PCDHGB4: variants seen among roughly 807,000 people sequenced by gnomAD.
The protein encoded by PCDHGB4 is protocadherin gamma subfamily B, 4, also known as protocadherin gamma-B4.
Under a neutral mutation model 60.5 loss-of-function variants are expected in PCDHGB4, and 38 were observed. That is an observed-to-expected ratio of 0.63 (90% CI 0.48 to 0.82). The LOEUF is 0.82. Among genes scored for constraint, PCDHGB4 ranks in the 40% least tolerant of loss-of-function variants. The probability of loss-of-function intolerance (pLI) is 0.00; values close to 1 mark genes in which losing one functional copy is unlikely to be tolerated. For missense variants in PCDHGB4, 1,109 were observed against 1,209.6 expected, an observed-to-expected ratio of 0.92 and a Z score of 1.23; for synonymous variants, 456 against 509.7, an observed-to-expected ratio of 0.89 and a Z score of 1.42.
In PCDHGB4 at chr5:141,432,012, A is replaced by G. The variant is rs756906117; in HGVS notation, c.2397+41731A>G. ...TTGGATAGGGAACAGGTTCCTAGCT[A>G]CAACATCACAGTGACCGCCACTGAC... On this transcript the variant is annotated intron_variant, in intron 1 of 3. Transcript: ENST00000519479. The surrounding 1 kb of genome is among the most constrained non-coding windows in gnomAD (Gnocchi z 6.0). The G allele has an allele frequency of 1.1e-5, 18 of 1,614,056 alleles. No homozygotes were observed. The highest frequency in any genetic ancestry group is 1.3e-5 in the Non-Finnish European group (15 of 1,180,008).
At chr5:141,408,885 T>G in intron 1 of PCDHGB4, 1 of 1,613,020 alleles carries the variant, frequency 6.2e-7, no homozygotes, top group Middle Eastern at 1.6e-4. Context: ...ACCGCTCACA[T>G]AGAAATTTCT....
At chr5:141,475,760 C>T (rs1480762060) in intron 1 of PCDHGB4, among the ~76,000 whole-genome samples, 1 of 152,286 alleles carries the variant, frequency 6.6e-6, no homozygotes, top group Non-Finnish European at 1.5e-5. Flanking sequence ...TGCACCGATA[C>T]TGGCAAGGCG....
intron 1 of PCDHGB4, among the ~76,000 whole-genome samples, chr5:141,465,422 G>A (rs74711061): frequency 0.01 from 1,576 of 152,260 alleles, 21 homozygotes; most frequent in African/African-American, 0.037. Context: ...AGCACTGAAA[G>A]GTGGGCACTT....
chr5:141,393,988 T>C (rs765412193), intron 1 of PCDHGB4: 1 of 1,613,578 alleles, frequency 6.2e-7, no homozygotes, highest in Non-Finnish European at 8.5e-7. Context: ...AATTTACCTT[T>C]TAAATTAGAA....
chr5:141,390,354 A>C (rs1031121162), intron 1 of PCDHGB4, 73 bp downstream of exon 1: 21 of 1,553,066 alleles, frequency 1.4e-5, no homozygotes, highest in Non-Finnish European at 1.6e-5. Context: ...AAATATACAT[A>C]TTTGCAGGAA....
chr5:141,427,658 C>A, intron 1 of PCDHGB4: 2 of 738,894 alleles, frequency 2.7e-6, no homozygotes, highest in Non-Finnish European at 4.8e-6. Context: ...ACGTGGTCCA[C>A]GTGGCCGAAA....
intron 3 of PCDHGB4, among the ~76,000 whole-genome samples, chr5:141,510,468 A>G (rs1246106107): frequency 2.0e-5 from 3 of 152,152 alleles, no homozygotes; most frequent in Admixed American, 2.0e-4. Flanking sequence ...TGTGGGAGTC[A>G]GAGGCTCCCT....
intron 1 of PCDHGB4, among the ~76,000 whole-genome samples, chr5:141,471,999 T>C (rs577046645): frequency 3.9e-5 from 6 of 152,230 alleles, no homozygotes; most frequent in Admixed American, 2.0e-4. Flanking sequence ...AATCCCTGCA[T>C]CGTATAGGGG....
intron 1 of PCDHGB4, chr5:141,410,998 T>C: frequency 5.8e-6 from 1 of 173,396 alleles, no homozygotes; most frequent in South Asian, 1.4e-4. Context: ...GGATTACTGG[T>C]GCCCCTCACC....
intron 1 of PCDHGB4, chr5:141,440,479 T>C (rs949675242): frequency 6.6e-6 from 1 of 152,172 alleles, no homozygotes; most frequent in African/African-American, 2.4e-5. Context: ...TTGAAAATTC[T>C]TTAAATGTTT....
Position 141,485,844 on chromosome 5 carries a change from G to T in PCDHGB4, c.2398-8963G>T. On this transcript the variant is annotated intron_variant, in intron 1 of 3. Transcript: ENST00000519479. This position sits in a 1 kb window ranked among gnomAD's most constrained non-coding sequence, Gnocchi z 5.7. ...GATGGAGGGAACCCGCCGAGATCTG[G>T]CACCGCAGAGCTCCGGGTATCCGTG... The T allele has an allele frequency of 1.9e-6, 3 of 1,613,890 alleles. 1 individual carries two copies. The South Asian group carries it at 3.3e-5, about 18-fold the overall frequency.
At chr5:141,394,549 C>T in intron 1 of PCDHGB4, 1 of 1,614,140 alleles carries the variant, frequency 6.2e-7, no homozygotes, top group Non-Finnish European at 8.5e-7. Flanking sequence ...GAGCTGGCGC[C>T]CCGCTCCGCA....
chr5:141,499,423 G>GA (rs1229901490), intron 2 of PCDHGB4, among the ~76,000 whole-genome samples: 1 of 151,754 alleles, frequency 6.6e-6, no homozygotes, highest in Non-Finnish European at 1.5e-5. Flanking sequence ...ATGAAAAATA[G>GA]AAAAAAAATT....
intron 1 of PCDHGB4, among the ~76,000 whole-genome samples, chr5:141,460,958 T>C (rs182414946): frequency 8.2e-6 from 1 of 121,926 alleles, no homozygotes; most frequent in Non-Finnish European, 1.6e-5. Context: ...TATGTATATA[T>C]ATATGTGTGT....
chr5:141,457,336 C>T (rs1032184011), intron 1 of PCDHGB4, among the ~76,000 whole-genome samples: 6 of 152,158 alleles, frequency 3.9e-5, no homozygotes, highest in Admixed American at 3.3e-4. Context: ...AGGTACCTTA[C>T]TTACTTTCAT....
chr5:141,396,923 G>A (rs6886638), intron 1 of PCDHGB4, among the ~76,000 whole-genome samples: 45,883 of 152,076 alleles, frequency 0.3, 8,183 homozygotes, highest in African/African-American at 0.5. Context: ...TTAAAAACTC[G>A]GATGAAAGTT....
At chr5:141,456,873 G>A (rs2098894054) in intron 1 of PCDHGB4, among the ~76,000 whole-genome samples, 1 of 152,152 alleles carries the variant, frequency 6.6e-6, no homozygotes, top group Non-Finnish European at 1.5e-5. Context: ...TGAGGCAGGA[G>A]AATCGCTTGA....
intron 1 of PCDHGB4, chr5:141,414,836 T>C: frequency 6.2e-7 from 1 of 1,614,222 alleles, no homozygotes; most frequent in Non-Finnish European, 8.5e-7. Context: ...TCGTTGAGCC[T>C]GTTTGTGCTG....
intron 1 of PCDHGB4, chr5:141,395,240 G>A: frequency 6.3e-7 from 1 of 1,589,850 alleles, no homozygotes; most frequent in Non-Finnish European, 8.6e-7. Context: ...ATGGTCAGGT[G>A]AGTTTAGTTC....
Sources: gnomAD v4.1 joint callset for allele counts (sites outside exome capture counted in the v4.1 genomes callset) on GRCh38, gnomAD v4.1.1 for gene constraint, Gnocchi (gnomAD v3.1) non-coding constraint, MANE v1.5 for transcripts, NCBI Gene and HGNC (gene_info 2026-07-23, HGNC 2026-07-21) for gene names.